Variants in RUBCN observed in about 807,000 individuals in gnomAD.
RUBCN encodes the protein rubicon autophagy regulator.
A neutral mutation model predicts 113.2 loss-of-function variants in RUBCN; 74 were observed. The ratio of observed to expected loss-of-function variants is 0.65; its 90% CI spans 0.54 to 0.79. RUBCN has a LOEUF of 0.79. Among genes scored for constraint, RUBCN ranks in the 30% least tolerant of loss-of-function variants. The probability of loss-of-function intolerance (pLI) is 0.00; values close to 1 mark genes in which losing one functional copy is unlikely to be tolerated. For synonymous variants in RUBCN, 480 were observed against 490.0 expected (o/e 0.98, Z 0.27); for missense variants, 1,109 against 1,251.7 (o/e 0.89, Z 1.72).
At chr3:197,694,099 C>T (rs1560424096) in intron 10 of RUBCN, 2 of 599,182 alleles carry the variant, frequency 3.3e-6, no homozygotes, top group Non-Finnish European at 6.2e-6. Flanking sequence ...CCATGTTGGC[C>T]AGGCAGGTCT....
At chr3:197,703,420 AAAAAAAAAAAAAT>A in intron 5 of RUBCN, 115 bp downstream of exon 5, 2 of 421,796 alleles carry the variant, frequency 4.7e-6, no homozygotes, top group Non-Finnish European at 8.7e-6. Flanking sequence ...AAAAAAAAAA[AAAAAAAAAAAAAT>A]GCAAGCCTTT....
chr3:197,671,194 T>C lies in RUBCN; in HGVS notation c.*3824A>G, dbSNP rs1285553535. Among the ~76,000 whole-genome samples, 1 of 152,100 alleles carries C rather than the reference T, an allele frequency of 6.6e-6. No individual in the cohort carries two copies. The highest frequency in any genetic ancestry group is 1.5e-5 in the Non-Finnish European group (1 of 68,004). On this transcript the variant is annotated 3_prime_UTR_variant, in exon 20 of 20. Transcript: ENST00000296343. ...CATGCCTGGCTAATTTTTATATTTT[T>C]GTAGAGATGAGGTTTTGTGATGTTA...
chr3:197,675,455 G>C lies in RUBCN; in HGVS notation c.2707C>G (p.Pro903Ala), dbSNP rs767793889. ...GTCCGGCACTTATGGAGCTCAAAGG[G>C]AAAGATGATGTCATCCTCATTCTGA... is the stretch of plus-strand genomic sequence containing the variant. ...FCQNEDDIIF[P>A]FELHKCRTCE... is the part of the protein sequence containing the mutation. Residue 903 changes from proline (P) to alanine (A), a missense_variant, in exon 19 of 20, where the codon CCC (proline) becomes GCC (alanine). Transcript: ENST00000296343. The surrounding 1 kb of genome is among the most constrained non-coding windows in gnomAD (Gnocchi z 4.4). 6.2e-7 allele frequency: 1 copy of C among 1,614,084 alleles called. No homozygotes were observed. Among genetic ancestry groups the C allele is most frequent in the Non-Finnish European group, 8.5e-7 (1 of 1,180,024 alleles).
At position 197,683,410 on chromosome 3, in the gene RUBCN, G is replaced by A. The variant is rs200643301; in HGVS notation, c.1877C>T (p.Ala626Val). The change falls in exon 13 of 20, where the codon GCT becomes GTT. Residue 626 changes from alanine to valine, a missense_variant. By Grantham distance (64) the Ala-to-Val change is moderately conservative. This residue lies in a region of RUBCN where 67 missense variants were observed against 123.2 expected (regional missense o/e 0.54). Transcript: ENST00000296343. This position sits in a 1 kb window ranked among gnomAD's most constrained non-coding sequence, Gnocchi z 4.6. ...FSHCFLHSTS[A>V]EAVAMGLLKQ... The stretch of plus-strand genomic sequence containing the variant: ...CAGGAGCCCCATGGCCACCGCCTCA[G>A]CAGACGTGGAGTGCAGGAAGCAGTG... 3.7e-5 allele frequency: 60 copies of A among 1,614,068 alleles called. No homozygotes were observed. Among genetic ancestry groups the A allele is most frequent in the Non-Finnish European group, 4.5e-5 (53 of 1,180,044 alleles).
At chr3:197,690,778 C>T (rs1207580477) in intron 11 of RUBCN, among the ~76,000 whole-genome samples, 1 of 152,182 alleles carries the variant, frequency 6.6e-6, no homozygotes, top group Non-Finnish European at 1.5e-5. Context: ...CTAAACTGTC[C>T]ACTACCTCCA....
At chr3:197,736,505 T>C (rs1335710174) in intron 1 of RUBCN, 150 bp downstream of exon 1, 2 of 407,406 alleles carry the variant, frequency 4.9e-6, no homozygotes, top group Admixed American at 5.5e-5. Context: ...GTCCTTCCTC[T>C]GCGAAATGCT....
At chr3:197,702,248 A>C (rs139873845) in intron 5 of RUBCN, among the ~76,000 whole-genome samples, 1 of 152,354 alleles carries the variant, frequency 6.6e-6, no homozygotes, top group East Asian at 1.9e-4. Context: ...CTCCTTTATA[A>C]AATGAGATCA....
At position 197,729,589 on chromosome 3, in the gene RUBCN, C is replaced by T. The variant is rs528478830; in HGVS notation, c.65+7066G>A. Among the ~76,000 whole-genome samples, 103 of 152,048 alleles carry T rather than the reference C, an allele frequency of 6.8e-4. 2 individuals carry two copies. The South Asian group carries it at 8.1e-3, about 12-fold the overall frequency. The stretch of plus-strand genomic sequence containing the variant: ...TTTGTTCTGTTTTTTGAGACAGTCT[C>T]GATCTGTTGCCCAGGGTGGAGTGCA... On this transcript the variant is annotated intron_variant, in intron 1 of 19. Coordinates refer to ENST00000296343, the MANE Select transcript of RUBCN (RefSeq NM_014687.4).
intron 9 of RUBCN, 33 bp from the exon 10 acceptor site, chr3:197,694,618 G>A (rs755243723): frequency 1.9e-6 from 3 of 1,567,338 alleles, no homozygotes; most frequent in East Asian, 2.2e-5. Context: ...CAGGCAAAGG[G>A]TTAGAAGTAT....
intron 5 of RUBCN, 128 bp downstream of exon 5, chr3:197,703,420 A>AC: frequency 2.4e-6 from 1 of 421,796 alleles, no homozygotes. Context: ...AAAAAAAAAA[A>AC]AAAAAAAAAA....
At chr3:197,732,219 A>G (rs1437695084) in intron 1 of RUBCN, among the ~76,000 whole-genome samples, 1 of 152,166 alleles carries the variant, frequency 6.6e-6, no homozygotes, top group Non-Finnish European at 1.5e-5. Context: ...CTGCATGGCC[A>G]AGGCAGTCTA....
At position 197,700,967 on chromosome 3, in the gene RUBCN, T is replaced by C. The variant is rs777650531; in HGVS notation, c.907A>G (p.Ile303Val). ...TGGCTGCTGACCCAGGATGCCTCTA[T>C]GGGGCTGGTCAGAGTACTGGAGCTC... ...EMSSSTLTSP[I>V]EASWVSSQND... Residue 303 changes from isoleucine to valine, a missense_variant, in exon 7 of 20, where the codon ATA (isoleucine) becomes GTA (valine). Around this residue, in one of 3 missense-constraint regions of RUBCN, gnomAD observed 736 missense variants for 779.6 expected, o/e 0.94. Transcript: ENST00000296343. 3.1e-6 allele frequency: 5 copies of C among 1,614,178 alleles called. No individual in the cohort carries two copies. Among genetic ancestry groups the C allele is most frequent in the Non-Finnish European group, 2.5e-6 (3 of 1,180,030 alleles).
At chr3:197,736,603 C>G (rs981614078) in intron 1 of RUBCN, 52 bp downstream of exon 1, 17 of 1,525,306 alleles carry the variant, frequency 1.1e-5, no homozygotes, top group Middle Eastern at 4.6e-4. Context: ...CCAAGCCTCC[C>G]GGGGCTCCGG....
chr3:197,716,223 G>T (rs1457445422), intron 2 of RUBCN, among the ~76,000 whole-genome samples: 1 of 152,214 alleles, frequency 6.6e-6, no homozygotes, highest in Non-Finnish European at 1.5e-5. Context: ...CGCCTCCCAG[G>T]TTCAAGTGAT....
rs961396954 is a variant in RUBCN, at chr3:197,731,157, G to A, written c.65+5498C>T. On this transcript the variant is annotated intron_variant, in intron 1 of 19. Transcript: ENST00000296343. The stretch of plus-strand genomic sequence containing the variant: ...GACCCTGCGGCCTTCCGCAGTGTTT[G>A]TGTCCCTGGGTACTTGAGATTAGGG... 5.3e-5 allele frequency among the ~76,000 whole-genome samples: 8 copies of A among 152,000 alleles called. No individual in the cohort carries two copies. In the East Asian group the frequency reaches 1.6e-3, roughly 30 times the overall value.
Position 197,674,429 on chromosome 3 carries a change from A to G in RUBCN, c.*589T>C. On this transcript the variant is annotated 3_prime_UTR_variant, in exon 20 of 20. Transcript: ENST00000296343. ...TTCACAGCTGCCTCTGAGGTCTCTG[A>G]GGAGTCTAGGATAGTCAGGATTGTT... 1 of 319,520 alleles carries G rather than the reference A, an allele frequency of 3.1e-6. No homozygotes were observed. The highest frequency in any genetic ancestry group is 6.8e-6 in the Non-Finnish European group (1 of 147,280). 19.8% of individuals were successfully genotyped at this position (319,520 alleles called of 1,614,324 possible).
At chr3:197,735,030 T>C (rs1727959412) in intron 1 of RUBCN, among the ~76,000 whole-genome samples, 1 of 152,212 alleles carries the variant, frequency 6.6e-6, no homozygotes, top group African/African-American at 2.4e-5. Context: ...CAGAGGTAAA[T>C]ATTCTGCTTC....
chr3:197,682,765 CT>C, intron 13 of RUBCN, 150 bp from the exon 14 acceptor site: 1 of 1,011,988 alleles, frequency 9.9e-7, no homozygotes, highest in Non-Finnish European at 1.5e-6. Flanking sequence ...ATGCGGGACC[CT>C]TTTGGCCATG....
rs1332252348 is a variant in RUBCN, at chr3:197,679,978, TCTAA to T, written c.2430+1147_2430+1150del. 2.4e-3 allele frequency among the ~76,000 whole-genome samples: 339 copies of T among 143,880 alleles called. 3 individuals are homozygous for T. Among genetic ancestry groups the T allele is most frequent in the African/African-American group, 8.3e-3 (314 of 37,882 alleles). The allele number at this position is 143,880 out of a possible 152,430, so 94.4% of individuals were successfully genotyped here. On this transcript the variant is annotated intron_variant, in intron 16 of 19. Transcript: ENST00000296343. ...CAACTGGCTCCAGACTGTCCTACGC[TCTAA>T]CTGACAACTGGCTTCAGATTGTCCT...
Sources: gnomAD v4.1 joint callset for allele counts (sites outside exome capture counted in the v4.1 genomes callset) on GRCh38, gnomAD v4.1.1 for gene constraint, gnomAD v4.1.1 regional missense constraint, Gnocchi (gnomAD v3.1) non-coding constraint, MANE v1.5 for transcripts, NCBI Gene and HGNC (gene_info 2026-07-23, HGNC 2026-07-21) for gene names.